Variants in BDP1 observed in about 807,000 individuals in gnomAD.
BDP1 encodes transcription factor TFIIIB component B'' homolog.
A neutral mutation model predicts 266.6 loss-of-function variants in BDP1; 169 were observed. The observed-to-expected ratio is 0.63, with a 90% CI of 0.56 to 0.72. The LOEUF is 0.72. Ranked by LOEUF, BDP1 falls within the 30% of genes least tolerant of loss-of-function variation. BDP1 has a pLI of 0.00. For missense variants in BDP1, 3,015 were observed against 3,053.8 expected (o/e 0.99, Z 0.30); for synonymous variants, 1,090 against 1,022.4 (o/e 1.07, Z -1.26).
chr5:71,522,870 A>G lies in BDP1; in HGVS notation c.5308A>G (p.Arg1770Gly), dbSNP rs1412285017. ...GGAATTAGAAGAAGTTGGACCATCA[A>G]GAAGGGTTGGAGAGGAAACTGTAGG... ...DAELEEVGPS[R>G]RVGEETVGDN... The change falls in exon 24 of 39, where the codon AGA becomes GGA. Residue 1770 changes from arginine to glycine, a missense_variant. Arg to Gly is a moderately radical substitution (Grantham distance 125). Transcript: ENST00000358731. 3 of 1,613,878 alleles carry G rather than the reference A, an allele frequency of 1.9e-6. No individual in the cohort carries two copies. Among genetic ancestry groups the G allele is most frequent in the East Asian group, 2.2e-5 (1 of 44,856 alleles).
intron 35 of BDP1, among the ~76,000 whole-genome samples, chr5:71,554,635 G>A (rs1211198554): frequency 6.6e-6 from 1 of 152,068 alleles, no homozygotes; most frequent in Non-Finnish European, 1.5e-5. Flanking sequence ...ACAAAACTAG[G>A]TCACCAGACT....
Position 71,566,763 on chromosome 5 carries a change from G to T in BDP1, c.*1878G>T, listed in dbSNP as rs1298116964. ...TGATATCTGTATGGATGAGTTATTT[G>T]TCACTAAAGTTATGAGTTGTGCCTA... is the stretch of plus-strand genomic sequence containing the variant. On this transcript the variant is annotated 3_prime_UTR_variant, in exon 39 of 39. Coordinates refer to ENST00000358731, the MANE Select transcript of BDP1 (RefSeq NM_018429.3). 1.3e-5 allele frequency: 2 copies of T among 152,182 alleles called. No homozygotes were observed. Among genetic ancestry groups the T allele is most frequent in the East Asian group, 3.8e-4 (2 of 5,200 alleles). 9.4% of individuals were successfully genotyped at this position (152,182 alleles called of 1,614,324 possible).
downstream of BDP1, among the ~76,000 whole-genome samples, chr5:71,570,538 T>A (rs551630241): frequency 6.6e-6 from 1 of 152,240 alleles, no homozygotes; most frequent in Non-Finnish European, 1.5e-5. Context: ...TGCAACACTT[T>A]AGAAGGCTGT....
chr5:71,481,175 A>G (rs1213566666), intron 7 of BDP1, among the ~76,000 whole-genome samples: 1 of 150,184 alleles, frequency 6.7e-6, no homozygotes, highest in African/African-American at 2.4e-5. Context: ...TTCCGTCTCA[A>G]AAAAAAAAAA....
At chr5:71,535,702 C>A (rs926421336) in intron 26 of BDP1, among the ~76,000 whole-genome samples, 5 of 152,110 alleles carry the variant, frequency 3.3e-5, no homozygotes, top group African/African-American at 1.2e-4. Context: ...TGAGGAAGAA[C>A]CATCCCATGC....
intron 35 of BDP1, among the ~76,000 whole-genome samples, chr5:71,556,144 A>T (rs1273499339): frequency 2.0e-5 from 3 of 151,922 alleles, no homozygotes; most frequent in Non-Finnish European, 2.9e-5. Flanking sequence ...GTTCTTTTCT[A>T]TTTAGAGAGC....
chr5:71,470,493 AAGT>A lies in BDP1; in HGVS notation c.1014+6_1014+8del. The stretch of plus-strand genomic sequence containing the variant: ...CAGAGCAAGGATAGAAATTAAGGTA[AAGT>A]AAACCCATCACATTTGTTGATTGGA... On this transcript the variant is annotated splice_donor_5th_base_variant and intron_variant, in intron 7 of 38. Transcript: ENST00000358731. 1 of 1,575,374 alleles carries A rather than the reference AAGT, an allele frequency of 6.3e-7. No homozygotes were observed. The highest frequency in any genetic ancestry group is 8.7e-7 in the Non-Finnish European group (1 of 1,148,384).
At chr5:71,524,455 C>T (rs1765666905) in intron 25 of BDP1, 132 bp downstream of exon 25, 1 of 1,016,314 alleles carries the variant, frequency 9.8e-7, no homozygotes, top group Non-Finnish European at 1.4e-6. Flanking sequence ...ATAACCTCTA[C>T]CAAATATAAT....
chr5:71,467,274 A>C (rs1335669668), intron 5 of BDP1, 80 bp from the exon 6 acceptor site: 5 of 1,218,336 alleles, frequency 4.1e-6, no homozygotes, highest in Non-Finnish European at 5.8e-6. Context: ...CTAAACCTCA[A>C]AATATAACTA....
At chr5:71,486,704 A>C (rs950002747) in intron 9 of BDP1, 77 bp downstream of exon 9, 11 of 1,214,834 alleles carry the variant, frequency 9.1e-6, no homozygotes, top group Non-Finnish European at 8.9e-6. Flanking sequence ...GGCCTTTGAG[A>C]GTTCATGTGT....
chr5:71,477,161 T>G (rs371983304), intron 7 of BDP1, among the ~76,000 whole-genome samples: 9 of 151,808 alleles, frequency 5.9e-5, no homozygotes, highest in African/African-American at 1.9e-4. Flanking sequence ...TTTCCTTTCC[T>G]TTTCTTTTTT....
intron 7 of BDP1, among the ~76,000 whole-genome samples, chr5:71,482,701 T>C (rs2150394172): frequency 6.6e-6 from 1 of 152,376 alleles, no homozygotes; most frequent in South Asian, 2.1e-4. Context: ...AGCCTATTGA[T>C]ATTTCTTTTA....
At position 71,513,829 on chromosome 5, in the gene BDP1, C is replaced by T. The variant is rs1167252447; in HGVS notation, c.4470+422C>T. Among the ~76,000 whole-genome samples, 3 of 152,160 alleles carry T rather than the reference C, an allele frequency of 2.0e-5. No individual in the cohort carries two copies. The East Asian group carries it at 5.8e-4, about 29-fold the overall frequency. ...CCACCTCCCAGGTTCAAGCGATTCT[C>T]CTGCCTCAGCCTCCTGAATGCTGGG... On this transcript the variant is annotated intron_variant, in intron 19 of 38. Transcript: ENST00000358731.
At chr5:71,563,352 G>A (rs975936829) in intron 38 of BDP1, among the ~76,000 whole-genome samples, 1 of 152,094 alleles carries the variant, frequency 6.6e-6, no homozygotes, top group Non-Finnish European at 1.5e-5. Flanking sequence ...TTCGCCATGT[G>A]GGCCATGCTG....
intron 34 of BDP1, among the ~76,000 whole-genome samples, chr5:71,551,230 T>G (rs12520417): frequency 0.4 from 59,684 of 150,576 alleles, 11,945 homozygotes; most frequent in South Asian, 0.46. Context: ...AACAAAGGTC[T>G]CTGGTTTTCC....
intron 12 of BDP1, among the ~76,000 whole-genome samples, chr5:71,496,014 G>A (rs1304904996): frequency 3.3e-5 from 5 of 151,922 alleles, no homozygotes; most frequent in South Asian, 2.1e-4. Flanking sequence ...AGGCCGAGGC[G>A]GGCGGATCAG....
intron 2 of BDP1, among the ~76,000 whole-genome samples, chr5:71,459,905 A>C (rs1451832922): frequency 6.6e-6 from 1 of 152,224 alleles, no homozygotes; most frequent in Non-Finnish European, 1.5e-5. Context: ...TTGGATTTCA[A>C]ATTTTCAGGT....
chr5:71,485,976 A>G (rs967293644), intron 8 of BDP1, among the ~76,000 whole-genome samples: 2 of 152,214 alleles, frequency 1.3e-5, no homozygotes, highest in East Asian at 1.9e-4. Flanking sequence ...CACAAGGTCT[A>G]TTATGTCCCT....
chr5:71,533,229 C>G (rs532116332), intron 26 of BDP1, among the ~76,000 whole-genome samples: 1 of 152,270 alleles, frequency 6.6e-6, no homozygotes, highest in South Asian at 2.1e-4. Flanking sequence ...CATAATGCTG[C>G]TGTAAACATT....
Sources: allele counts gnomAD v4.1 joint callset (sites outside exome capture counted in the v4.1 genomes callset), GRCh38; gene constraint gnomAD v4.1.1; transcripts MANE v1.5; gene names NCBI Gene and HGNC (gene_info 2026-07-23, HGNC 2026-07-21).